The following HS6ST3 variants were observed in gnomAD, a reference collection of about 807,000 sequenced individuals.
HS6ST3 encodes heparan sulfate 6-O-sulfotransferase 3, also known as heparan-sulfate 6-O-sulfotransferase 3.
HS6ST3 carries 12 observed loss-of-function variants against 36.7 expected under a neutral mutation model. That is an observed-to-expected ratio of 0.33 (90% CI 0.21 to 0.53). The LOEUF is 0.53. HS6ST3 is among the 20% of genes least tolerant of loss of function. The probability of loss-of-function intolerance (pLI) is 0.95; values close to 1 mark genes in which losing one functional copy is unlikely to be tolerated. For synonymous variants in HS6ST3, 240 were observed against 257.5 expected, an observed-to-expected ratio of 0.93 and a Z score of 0.65; for missense variants, 584 against 640.9, an observed-to-expected ratio of 0.91 and a Z score of 0.96.
intron 1 of HS6ST3, among the ~76,000 whole-genome samples, chr13:96,801,580 T>C (rs1594863537): frequency 1.3e-5 from 2 of 152,074 alleles, no homozygotes; most frequent in South Asian, 4.1e-4. Flanking sequence ...TTCTCTTACA[T>C]AATCTCATGA....
At chr13:96,527,323 C>T (rs1481856074) in intron 1 of HS6ST3, among the ~76,000 whole-genome samples, 2 of 151,956 alleles carry the variant, frequency 1.3e-5, no homozygotes, top group Non-Finnish European at 1.5e-5. Flanking sequence ...AGCATATCAA[C>T]AGTGTTTAAG....
intron 1 of HS6ST3, among the ~76,000 whole-genome samples, chr13:96,227,152 C>T (rs898283106): frequency 6.6e-5 from 10 of 152,230 alleles, no homozygotes; most frequent in East Asian, 1.9e-4. Context: ...AGTACAAATA[C>T]GGCTCCCATA....
At chr13:96,194,435 CA>C (rs1387251784) in intron 1 of HS6ST3, among the ~76,000 whole-genome samples, 6 of 151,684 alleles carry the variant, frequency 4.0e-5, no homozygotes, top group Admixed American at 3.3e-4. Flanking sequence ...CCAGAAAATT[CA>C]TTTTTTTTTA....
At chr13:96,326,895 A>G (rs1174544268) in intron 1 of HS6ST3, among the ~76,000 whole-genome samples, 1 of 150,128 alleles carries the variant, frequency 6.7e-6, no homozygotes, top group East Asian at 2.0e-4. Flanking sequence ...ATGGTATCTC[A>G]TTGTGGTTTT....
In HS6ST3 at chr13:96,638,737, C is replaced by T. The variant is rs56955358; in HGVS notation, c.708-193753C>T. Among the ~76,000 whole-genome samples, 9 of 151,992 alleles carry T rather than the reference C, an allele frequency of 5.9e-5. No homozygotes were observed. In the East Asian group the frequency reaches 1.6e-3, roughly 26 times the overall value. On this transcript the variant is annotated intron_variant, in intron 1 of 1. Transcript: ENST00000376705. ...TCCCCAGCCCAGCGGAACTATGAGT[C>T]AATTAAACCTCTTTTTTAAAATAAA... is the stretch of plus-strand genomic sequence containing the variant.
intron 1 of HS6ST3, among the ~76,000 whole-genome samples, chr13:96,591,699 G>T (rs1325894854): frequency 4.6e-5 from 7 of 151,872 alleles, no homozygotes; most frequent in Non-Finnish European, 7.4e-5. Flanking sequence ...TCTTTCTCTT[G>T]TCCGATTGCT....
chr13:96,417,856 G>C (rs1474764718), intron 1 of HS6ST3, among the ~76,000 whole-genome samples: 1 of 151,582 alleles, frequency 6.6e-6, no homozygotes, highest in Admixed American at 6.6e-5. Flanking sequence ...AGGCAATACA[G>C]GTTTAGATTC....
chr13:96,750,810 A>C (rs917898935), intron 1 of HS6ST3, among the ~76,000 whole-genome samples: 2 of 152,206 alleles, frequency 1.3e-5, no homozygotes, highest in Non-Finnish European at 2.9e-5. Context: ...CCTAAGTTAA[A>C]ATGTAAGTGA....
chr13:96,580,531 T>C (rs1339527637), intron 1 of HS6ST3, among the ~76,000 whole-genome samples: 3 of 152,098 alleles, frequency 2.0e-5, no homozygotes. Flanking sequence ...TGCTAATCCC[T>C]ACCGTGAGTG....
In HS6ST3 at chr13:96,221,229, G is replaced by C. The variant is rs924937960; in HGVS notation, c.707+129660G>C. Among the ~76,000 whole-genome samples the C allele has an allele frequency of 2.6e-5, 4 of 152,310 alleles. No individual in the cohort carries two copies. In the East Asian group the frequency reaches 5.8e-4, roughly 22 times the overall value. ...ATTAGAAAGCAGTTAGGGTCAGAGAGAGTTTTTGGGAAATACCTATTTGTG... is the reference window on the plus strand; with the variant it reads ...ATTAGAAAGCAGTTAGGGTCAGAGACAGTTTTTGGGAAATACCTATTTGTG... On this transcript the variant is annotated intron_variant, in intron 1 of 1. Transcript: ENST00000376705.
At chr13:96,385,180 CAAAA>C (rs11317656) in intron 1 of HS6ST3, among the ~76,000 whole-genome samples, 5 of 129,330 alleles carry the variant, frequency 3.9e-5, no homozygotes, top group Non-Finnish European at 3.3e-5. Flanking sequence ...ACTCTGTATC[CAAAA>C]AAAAAAAAAA....
intron 1 of HS6ST3, among the ~76,000 whole-genome samples, chr13:96,831,495 A>AT (rs1473902366): frequency 4.6e-5 from 7 of 152,174 alleles, no homozygotes; most frequent in African/African-American, 1.7e-4. Context: ...AGTAACAATA[A>AT]AACCCATTTT....
At chr13:96,179,072 G>C (rs556209375) in intron 1 of HS6ST3, among the ~76,000 whole-genome samples, 1 of 152,198 alleles carries the variant, frequency 6.6e-6, no homozygotes, top group East Asian at 1.9e-4. Flanking sequence ...TTTTAGACTG[G>C]GAAATACCAG....
chr13:96,812,796 C>CAT (rs1018942239), intron 1 of HS6ST3, among the ~76,000 whole-genome samples: 49 of 152,184 alleles, frequency 3.2e-4, no homozygotes, highest in African/African-American at 1.1e-3. Context: ...CACACACACA[C>CAT]ACCCCTTAGG....
At chr13:96,643,611 C>T (rs1233433298) in intron 1 of HS6ST3, among the ~76,000 whole-genome samples, 1 of 151,730 alleles carries the variant, frequency 6.6e-6, no homozygotes, top group African/African-American at 2.4e-5. Context: ...TGTGAAAGCT[C>T]ATTGGGTGAG....
chr13:96,323,655 C>T (rs537370769), intron 1 of HS6ST3, among the ~76,000 whole-genome samples: 1 of 152,234 alleles, frequency 6.6e-6, no homozygotes, highest in African/African-American at 2.4e-5. Context: ...AGCCCTGGCC[C>T]CCATGCCTCC....
At chr13:96,214,010 T>G (rs1436277089) in intron 1 of HS6ST3, among the ~76,000 whole-genome samples, 4 of 152,116 alleles carry the variant, frequency 2.6e-5, no homozygotes, top group Non-Finnish European at 4.4e-5. Context: ...AACCTAACAA[T>G]TACAGTTGAA....
chr13:96,421,120 G>A (rs1180339853), intron 1 of HS6ST3, among the ~76,000 whole-genome samples: 1 of 152,098 alleles, frequency 6.6e-6, no homozygotes, highest in African/African-American at 2.4e-5. Context: ...GCATATTAAA[G>A]CTAATAACAA....
At chr13:96,644,012 A>G (rs1434697932) in intron 1 of HS6ST3, among the ~76,000 whole-genome samples, 4 of 151,870 alleles carry the variant, frequency 2.6e-5, no homozygotes, top group Non-Finnish European at 4.4e-5. Context: ...ATTTTTTGCC[A>G]TTATTTTCAT....
Sources: allele counts gnomAD v4.1 joint callset (sites outside exome capture counted in the v4.1 genomes callset), GRCh38; gene constraint gnomAD v4.1.1; transcripts MANE v1.5; gene names NCBI Gene and HGNC (gene_info 2026-07-23, HGNC 2026-07-21).